Variants in ARID4B observed in about 807,000 individuals in gnomAD.
ARID4B encodes AT-rich interaction domain 4B.
A neutral mutation model predicts 147.5 loss-of-function variants in ARID4B; 26 were observed. That is an observed-to-expected ratio of 0.18 (90% CI 0.13 to 0.24). The LOEUF (loss-of-function observed/expected upper bound fraction) is 0.24. Ranked by LOEUF, ARID4B falls within the 10% of genes least tolerant of loss-of-function variation. The pLI, the probability that ARID4B is intolerant of heterozygous loss-of-function variation, is 1.00. For synonymous variants in ARID4B, 512 were observed against 507.9 expected (o/e 1.01, Z -0.11); for missense variants, 1,179 against 1,511.5 (o/e 0.78, Z 3.65).
chr1:235,233,639 T>C lies in ARID4B; in HGVS notation c.665+774A>G, dbSNP rs571083291. Among the ~76,000 whole-genome samples, 12 of 152,298 alleles carry C rather than the reference T, an allele frequency of 7.9e-5. No individual in the cohort carries two copies. The South Asian group carries it at 1.2e-3, about 16-fold the overall frequency. On this transcript the variant is annotated intron_variant, in intron 9 of 23. Coordinates refer to ENST00000264183, the MANE Select transcript of ARID4B (RefSeq NM_016374.6). Reference sequence around the variant, plus strand: ...ATTTTCTTAACACTTACCATCCATATACAAGTAACCCATTTTAATCCTCAG... The same window carrying C: ...ATTTTCTTAACACTTACCATCCATACACAAGTAACCCATTTTAATCCTCAG...
chr1:235,297,135 G>A (rs1258073631), intron 2 of ARID4B, among the ~76,000 whole-genome samples: 2 of 152,110 alleles, frequency 1.3e-5, no homozygotes, highest in Non-Finnish European at 2.9e-5. Context: ...AAGAGAGTAA[G>A]TTATTGAAAA....
chr1:235,283,173 G>C (rs1671773224), intron 2 of ARID4B, among the ~76,000 whole-genome samples: 1 of 152,146 alleles, frequency 6.6e-6, no homozygotes, highest in East Asian at 1.9e-4. Flanking sequence ...AAATAAAAAA[G>C]TATTATTACC....
Position 235,195,881 on chromosome 1 carries a change from C to T in ARID4B, c.1926+150G>A, listed in dbSNP as rs556464888. 6 of 582,172 alleles carry T rather than the reference C, an allele frequency of 1.0e-5. No homozygotes were observed. The East Asian group carries it at 1.6e-4, about 16-fold the overall frequency. The allele number at this position is 582,172 out of a possible 1,614,324, so 36.1% of individuals were successfully genotyped here. A position where few individuals can be genotyped will look rare whatever the true frequency, so the allele number is the denominator to read the frequency against. ...CAGTACTGTTTCTAAAATGCTTTCC[C>T]TAACCTGACAAAATTAATTATATAC... On this transcript the variant is annotated intron_variant, in intron 18 of 23. Transcript: ENST00000264183.
At chr1:235,201,729 C>CA (rs1571962075) in intron 17 of ARID4B, among the ~76,000 whole-genome samples, 2 of 151,828 alleles carry the variant, frequency 1.3e-5, no homozygotes, top group African/African-American at 4.8e-5. Context: ...ACTAAAAATA[C>CA]AAAAATCAGC....
At chr1:235,255,267 ATATC>A (rs1350801931) in intron 5 of ARID4B, among the ~76,000 whole-genome samples, 9 of 137,152 alleles carry the variant, frequency 6.6e-5, no homozygotes, top group East Asian at 2.1e-4. Context: ...AGATAGATAT[ATATC>A]TCTCTCTCTC....
intron 19 of ARID4B, among the ~76,000 whole-genome samples, chr1:235,188,978 A>G (rs1163321758): frequency 1.3e-5 from 2 of 152,234 alleles, no homozygotes; most frequent in Non-Finnish European, 2.9e-5. Flanking sequence ...GAAAAAACCA[A>G]AAATTATAAA....
intron 2 of ARID4B, among the ~76,000 whole-genome samples, chr1:235,311,198 T>C (rs1467030840): frequency 1.3e-5 from 2 of 151,366 alleles, no homozygotes; most frequent in African/African-American, 4.8e-5. Context: ...CTCTAGAAAA[T>C]ATAAAAAATC....
At chr1:235,193,204 C>G (rs1331146035) in intron 19 of ARID4B, among the ~76,000 whole-genome samples, 1 of 152,182 alleles carries the variant, frequency 6.6e-6, no homozygotes, top group Admixed American at 6.5e-5. Context: ...CGAGACGAGC[C>G]TGGTCAACAG....
At chr1:235,214,808 TCAAA>T (rs1233118792) in intron 16 of ARID4B, among the ~76,000 whole-genome samples, 1 of 146,932 alleles carries the variant, frequency 6.8e-6, no homozygotes, top group African/African-American at 2.5e-5. Context: ...AAACTAAAAG[TCAAA>T]CTATTCTAGA....
At chr1:235,262,736 G>T (rs1036661681) in intron 2 of ARID4B, among the ~76,000 whole-genome samples, 6 of 152,082 alleles carry the variant, frequency 3.9e-5, no homozygotes, top group Non-Finnish European at 8.8e-5. Context: ...TTGGGAGGCC[G>T]AAGCAGGACT....
At chr1:235,181,247 GA>G in intron 20 of ARID4B, 1 of 642,504 alleles carries the variant, frequency 1.6e-6, no homozygotes, top group Non-Finnish European at 2.1e-6. Context: ...CAATGTTACA[GA>G]AATAGATTTA....
At chr1:235,305,886 A>T (rs1386449911) in intron 2 of ARID4B, among the ~76,000 whole-genome samples, 1 of 152,174 alleles carries the variant, frequency 6.6e-6, no homozygotes, top group Non-Finnish European at 1.5e-5. Flanking sequence ...CCTGGGCCCA[A>T]GAGGTCAAGG....
chr1:235,294,417 ATT>A (rs1367209499), intron 2 of ARID4B, among the ~76,000 whole-genome samples: 46 of 125,942 alleles, frequency 3.7e-4, no homozygotes, highest in African/African-American at 1.2e-3. Flanking sequence ...GGTTCAAGCA[ATT>A]CTCCCGCTTG....
chr1:235,237,748 T>G (rs952544557), intron 8 of ARID4B, among the ~76,000 whole-genome samples: 5 of 152,204 alleles, frequency 3.3e-5, no homozygotes, highest in African/African-American at 1.2e-4. Context: ...CAAAGGACAG[T>G]GTTTTAATCC....
chr1:235,299,070 A>G (rs1008114025), intron 2 of ARID4B, among the ~76,000 whole-genome samples: 52 of 152,148 alleles, frequency 3.4e-4, no homozygotes, highest in African/African-American at 1.2e-3. Flanking sequence ...CCTAGACAAC[A>G]AAGTGAGATG....
intron 21 of ARID4B, among the ~76,000 whole-genome samples, chr1:235,176,517 T>G (rs1164098603): frequency 7.6e-6 from 1 of 132,372 alleles, no homozygotes; most frequent in East Asian, 2.3e-4. Context: ...TAAAGGTAGA[T>G]AGCAGCAACT....
rs752475766 is a variant in ARID4B at position 235,182,691 on chromosome 1, T to C, written c.2228A>G (p.Asn743Ser). ...KEESKIDHLTNNRNDLISKEE... is the reference protein window; with the variant it reads ...KEESKIDHLTSNRNDLISKEE... ...CTTTGAAATAAGATCATTTCTGTTGTTGGTCAAATGATCAATCTTAGATTC... is the reference window on the plus strand; with the variant it reads ...CTTTGAAATAAGATCATTTCTGTTGCTGGTCAAATGATCAATCTTAGATTC... Residue 743 changes from asparagine to serine, a missense_variant, in exon 20 of 24, where the codon AAC (asparagine) becomes AGC (serine). Physicochemically the swap from Asn to Ser is conservative, Grantham distance 46. Coordinates refer to ENST00000264183, the MANE Select transcript of ARID4B (RefSeq NM_016374.6). 21 of 1,613,754 alleles carry C rather than the reference T, an allele frequency of 1.3e-5. No individual in the cohort carries two copies. The highest frequency in any genetic ancestry group is 1.7e-5 in the Non-Finnish European group (20 of 1,180,012).
rs376231747 is a variant in ARID4B, at chr1:235,269,185, TG to T, written c.7-8434del. On this transcript the variant is annotated intron_variant, in intron 2 of 23. Transcript: ENST00000264183. ...ATATTGACAAGAATGAATGAATGAA[TG>T]TTTTAAAATGTAGAAAAGATAAAGC... is the stretch of plus-strand genomic sequence containing the variant. 2.0e-3 allele frequency among the ~76,000 whole-genome samples: 312 copies of T among 152,328 alleles called. 2 individuals are homozygous for T. Among genetic ancestry groups the T allele is most frequent in the African/African-American group, 7.2e-3 (301 of 41,582 alleles).
chr1:235,213,852 T>G lies in ARID4B; in HGVS notation c.1758A>C (p.Lys586Asn), dbSNP rs1199079888. ...QVRYGRGKNQ[K>N]MYEASIKDSD... ...AATCTTTAATACTAGCTTCATACAT[T>G]TTTTGATTTTTCCCTCGTCCATACC... Residue 586 changes from lysine to asparagine, a missense_variant, in exon 17 of 24, where the codon AAA becomes AAC. Transcript: ENST00000264183. 6.2e-7 allele frequency: 1 copy of G among 1,613,998 alleles called. No individual in the cohort carries two copies. Among genetic ancestry groups the G allele is most frequent in the Non-Finnish European group, 8.5e-7 (1 of 1,180,008 alleles).
Sources: allele counts gnomAD v4.1 joint callset (sites outside exome capture counted in the v4.1 genomes callset), GRCh38; gene constraint gnomAD v4.1.1; transcripts MANE v1.5; gene names NCBI Gene and HGNC (gene_info 2026-07-23, HGNC 2026-07-21).